The following SLIT3 variants were observed in gnomAD, a reference collection of about 807,000 sequenced individuals.
The protein encoded by SLIT3 is slit guidance ligand 3, also known as slit homolog 3 protein.
A neutral mutation model predicts 184.0 loss-of-function variants in SLIT3; 68 were observed. The ratio of observed to expected loss-of-function variants is 0.37; its 90% confidence interval spans 0.30 to 0.45. The LOEUF is 0.45. SLIT3 is among the 20% of genes least tolerant of loss of function. The pLI, the probability that SLIT3 is intolerant of heterozygous loss-of-function variation, is 1.00. For synonymous variants in SLIT3, 831 were observed against 828.6 expected (o/e 1.00, Z -0.05); for missense variants, 1,707 against 2,026.0 (o/e 0.84, Z 3.02).
intron 4 of SLIT3, among the ~76,000 whole-genome samples, chr5:169,028,837 G>T (rs570872338): frequency 2.0e-5 from 3 of 152,192 alleles, no homozygotes; most frequent in Non-Finnish European, 4.4e-5. Flanking sequence ...AAAATGTGTT[G>T]ATTCCACTGC....
intron 27 of SLIT3, among the ~76,000 whole-genome samples, chr5:168,698,917 G>A (rs781067303): frequency 2.6e-5 from 4 of 152,220 alleles, no homozygotes; most frequent in Non-Finnish European, 4.4e-5. Flanking sequence ...ATGGAAATGA[G>A]ATATTTCTGC....
intron 4 of SLIT3, among the ~76,000 whole-genome samples, chr5:168,920,111 G>A (rs1761588883): frequency 6.6e-6 from 1 of 152,144 alleles, no homozygotes; most frequent in African/African-American, 2.4e-5. Context: ...CAGGCTCTCT[G>A]CAACAATGAC....
At position 168,669,830 on chromosome 5, in the gene SLIT3, G is replaced by A. The variant is rs917513532; in HGVS notation, c.4289C>T (p.Pro1430Leu). ...AAAGCCGGGCTGGCACAGGCAGTAG[G>A]GCTCCCCTTGGTCTGAGATGTGGCA... ...GQCHISDQGE[P>L]YCLCQPGFSG... Residue 1430 changes from proline (P) to leucine (L), a missense_variant, in exon 35 of 36, where the codon CCC (proline) becomes CTC (leucine). Pro to Leu is a moderately conservative substitution (Grantham distance 98). This residue lies in a region of SLIT3 where 387 missense variants were observed against 477.9 expected (regional missense o/e 0.81). Transcript: ENST00000519560. 8.7e-6 allele frequency: 14 copies of A among 1,613,994 alleles called. No homozygotes were observed. The highest frequency in any genetic ancestry group is 8.0e-5 in the African/African-American group (6 of 74,930).
intron 14 of SLIT3, among the ~76,000 whole-genome samples, chr5:168,771,825 G>A (rs1259253113): frequency 6.6e-6 from 1 of 152,154 alleles, no homozygotes; most frequent in East Asian, 1.9e-4. Context: ...CTCTCCCCAC[G>A]CTGGCATTCT....
chr5:169,246,110 C>CAAGATATT (rs1765578450), intron 2 of SLIT3, among the ~76,000 whole-genome samples: 1 of 152,140 alleles, frequency 6.6e-6, no homozygotes, highest in Non-Finnish European at 1.5e-5. Context: ...AGTTGAAAAT[C>CAAGATATT]AAGATATTTC....
intron 12 of SLIT3, among the ~76,000 whole-genome samples, chr5:168,778,593 T>C (rs1299143804): frequency 1.3e-5 from 2 of 152,222 alleles, no homozygotes; most frequent in Non-Finnish European, 2.9e-5. Flanking sequence ...GCAGGTTCTT[T>C]ACTGAGTGGC....
intron 4 of SLIT3, among the ~76,000 whole-genome samples, chr5:169,163,185 G>A (rs1040329828): frequency 3.3e-5 from 5 of 152,108 alleles, no homozygotes; most frequent in African/African-American, 1.2e-4. Flanking sequence ...GCTGGGCATG[G>A]TGGTGTGTGC....
At chr5:168,896,964 G>A (rs185434290) in intron 4 of SLIT3, among the ~76,000 whole-genome samples, 27 of 152,298 alleles carry the variant, frequency 1.8e-4, no homozygotes, top group Admixed American at 9.1e-4. Context: ...GTCCAGAGCC[G>A]TGCAGGAAAA....
intron 33 of SLIT3, among the ~76,000 whole-genome samples, chr5:168,672,251 G>A (rs745603129): frequency 2.0e-5 from 3 of 152,020 alleles, no homozygotes; most frequent in South Asian, 2.1e-4. Context: ...GGCTGCCCTC[G>A]GCACAGAGCT....
At position 169,126,083 on chromosome 5, in the gene SLIT3, T is replaced by C. The variant is rs988041780; in HGVS notation, c.413+67396A>G. Among the ~76,000 whole-genome samples, 115 of 152,304 alleles carry C rather than the reference T, an allele frequency of 7.6e-4. 2 individuals are homozygous for C. The highest frequency in any genetic ancestry group is 2.7e-3 in the African/African-American group (112 of 41,556). ...CGGCCCATGGAATTATTGCAAGAGA[T>C]GCTACATTTATCTTAGAAAGTCGGG... On this transcript the variant is annotated intron_variant, in intron 4 of 35. Coordinates refer to ENST00000519560, the MANE Select transcript of SLIT3 (RefSeq NM_003062.4).
intron 4 of SLIT3, among the ~76,000 whole-genome samples, chr5:169,086,727 C>T (rs555207725): frequency 6.6e-6 from 1 of 152,270 alleles, no homozygotes; most frequent in East Asian, 1.9e-4. Context: ...GGTCAAGAGT[C>T]TTAAGAATGC....
At position 169,300,227 on chromosome 5, in the gene SLIT3, C is replaced by T. The variant is rs1013663567; in HGVS notation, c.197+286G>A. 1.3e-5 allele frequency among the ~76,000 whole-genome samples: 2 copies of T among 152,224 alleles called. No homozygotes were observed. The highest frequency in any genetic ancestry group is 4.8e-5 in the African/African-American group (2 of 41,458). On this transcript the variant is annotated intron_variant, in intron 1 of 35. Coordinates refer to ENST00000519560, the MANE Select transcript of SLIT3 (RefSeq NM_003062.4). The surrounding 1 kb of genome is among the most constrained non-coding windows in gnomAD (Gnocchi z 4.1). The stretch of plus-strand genomic sequence containing the variant: ...GCAGTGCTCTTGCCTCCCCTCGCCT[C>T]TCCTCAGCTACTCCTTGGAAGCTGT...
chr5:168,789,249 G>A, intron 11 of SLIT3, among the ~76,000 whole-genome samples: 1 of 150,218 alleles, frequency 6.7e-6, no homozygotes, highest in East Asian at 2.0e-4. Flanking sequence ...GCGGTGGCAT[G>A]TGGGGTGGGA....
chr5:168,773,036 A>G, intron 13 of SLIT3, 92 bp from the exon 14 acceptor site: 1 of 1,302,046 alleles, frequency 7.7e-7, no homozygotes, highest in South Asian at 1.5e-5. Context: ...CTGGCAATCC[A>G]CTGCAAGGAC....
intron 10 of SLIT3, chr5:168,790,840 CCTT>C (rs1329466856): frequency 6.6e-6 from 1 of 152,200 alleles, no homozygotes; most frequent in African/African-American, 2.4e-5. Context: ...CTGTTTCCTT[CCTT>C]CTTCTAATAG....
chr5:169,157,459 T>C (rs190935), intron 4 of SLIT3, among the ~76,000 whole-genome samples: 128,540 of 152,102 alleles, frequency 0.85, 54,526 homozygotes, highest in African/African-American at 0.92. Context: ...CACACCTACT[T>C]AGCAGTAACA....
intron 4 of SLIT3, among the ~76,000 whole-genome samples, chr5:168,967,876 G>C (rs966149781): frequency 1.3e-5 from 2 of 152,084 alleles, no homozygotes; most frequent in South Asian, 2.1e-4. Context: ...ACCATGCAAG[G>C]CTGGCAGAAA....
intron 4 of SLIT3, among the ~76,000 whole-genome samples, chr5:168,938,064 C>T (rs947781549): frequency 1.3e-4 from 20 of 152,238 alleles, no homozygotes; most frequent in Non-Finnish European, 2.5e-4. Flanking sequence ...CCTCAGAATA[C>T]GGCAATAAAT....
intron 5 of SLIT3, among the ~76,000 whole-genome samples, chr5:168,854,879 C>T (rs1025803252): frequency 3.9e-5 from 6 of 152,208 alleles, no homozygotes; most frequent in South Asian, 2.1e-4. Flanking sequence ...GCTCAGTGTT[C>T]GGGGGATATC....
Sources: allele counts gnomAD v4.1 joint callset (sites outside exome capture counted in the v4.1 genomes callset), GRCh38; gene constraint gnomAD v4.1.1; regional missense constraint gnomAD v4.1.1; non-coding constraint Gnocchi (gnomAD v3.1); transcripts MANE v1.5; gene names NCBI Gene and HGNC (gene_info 2026-07-23, HGNC 2026-07-21).